Variants in ZXDC observed in about 807,000 individuals in gnomAD.
ZXDC encodes zinc finger protein ZXDC.
A neutral mutation model predicts 63.6 loss-of-function variants in ZXDC; 58 were observed. The observed-to-expected ratio is 0.91, with a 90% CI of 0.74 to 1.13. The LOEUF is 1.13. ZXDC is among the 50% of genes most tolerant of loss of function. The pLI is 0.00. For missense variants in ZXDC, 1,133 were observed against 1,148.9 expected (o/e 0.99, Z 0.20); for synonymous variants, 561 against 496.1 (o/e 1.13, Z -1.74).
At chr3:126,463,315 C>T (rs948159891) in intron 5 of ZXDC, among the ~76,000 whole-genome samples, 2 of 152,148 alleles carry the variant, frequency 1.3e-5, no homozygotes, top group East Asian at 3.9e-4. Context: ...GTGATCGGCC[C>T]GCCTGGGCCT....
intron 4 of ZXDC, among the ~76,000 whole-genome samples, chr3:126,470,483 A>G (rs1338234131): frequency 6.6e-6 from 1 of 152,214 alleles, no homozygotes; most frequent in East Asian, 1.9e-4. Context: ...ACAAAAAAAG[A>G]AAAAGTCAGT....
intron 7 of ZXDC, chr3:126,451,086 CCA>C (rs1411873771): frequency 2.1e-5 from 21 of 982,324 alleles, no homozygotes; most frequent in Non-Finnish European, 2.4e-5. Context: ...GCCCACCAGG[CCA>C]CCCCAGGAGG....
chr3:126,445,015 T>A (rs1410366312), intron 7 of ZXDC, among the ~76,000 whole-genome samples: 1 of 152,218 alleles, frequency 6.6e-6, no homozygotes, highest in African/African-American at 2.4e-5. Flanking sequence ...CTAAATTGGT[T>A]TCAACTTCTG....
chr3:126,461,930 G>A lies in ZXDC; in HGVS notation c.1732C>T (p.Leu578=), dbSNP rs371878649. The change falls in exon 6 of 10, where the codon CTG becomes TTG. Residue 578 remains leucine, a synonymous_variant. Coordinates refer to ENST00000389709, the MANE Select transcript of ZXDC (RefSeq NM_025112.5). ...LVAHSDIPPS[L]DSPLVLGTAA... ...GTCCCGAGAACCAGAGGGCTGTCCA[G>A]GCTTGGGGGAATATCACTGTGGGCC... 2 of 1,614,072 alleles carry A rather than the reference G, an allele frequency of 1.2e-6. No individual in the cohort carries two copies. The highest frequency in any genetic ancestry group is 1.7e-6 in the Non-Finnish European group (2 of 1,180,064).
In ZXDC at chr3:126,475,533, G is replaced by T; in HGVS notation, c.333C>A (p.Gly111=). The change falls in exon 1 of 10, where the codon GGC becomes GGA. Residue 111 remains glycine (G), a synonymous_variant. Transcript: ENST00000389709. The stretch of plus-strand genomic sequence containing the variant: ...CGGGGGGGGCGGCCGGGCCGCTGGG[G>T]CCCTGCTCGGGGCGGCTCGCCAGGT... The part of the protein sequence containing the change: ...RVNLASRPEQ[G]PSGPAAPPGP... 2 of 1,306,072 alleles carry T rather than the reference G, an allele frequency of 1.5e-6. No homozygotes were observed. The highest frequency in any genetic ancestry group is 9.7e-7 in the Non-Finnish European group (1 of 1,029,376). 80.9% of individuals were successfully genotyped at this position (1,306,072 alleles called of 1,614,324 possible). A position where few individuals can be genotyped will look rare whatever the true frequency, so the allele number is the denominator to read the frequency against.
At chr3:126,447,060 C>T (rs1413320470) in intron 7 of ZXDC, among the ~76,000 whole-genome samples, 2 of 152,218 alleles carry the variant, frequency 1.3e-5, no homozygotes, top group African/African-American at 4.8e-5. Context: ...TCTGCAGGGG[C>T]ACTCTCTCCT....
At chr3:126,450,595 G>A (rs1274997176) in intron 7 of ZXDC, 1 of 452,428 alleles carries the variant, frequency 2.2e-6, no homozygotes, top group Non-Finnish European at 4.5e-6. Flanking sequence ...CCTCCGGACT[G>A]ACCGCCCCTG....
chr3:126,439,668 G>T lies in ZXDC; in HGVS notation c.2454C>A (p.Pro818=). The change falls in exon 9 of 10, where the codon CCC becomes CCA. Residue 818 remains proline, a synonymous_variant. Transcript: ENST00000389709. ...AGACGGGCAGGTCCACAGTGAGGAA[G>T]GGGAGGAAGGTGGCTGGGCCGCGGG... is the stretch of plus-strand genomic sequence containing the variant. ...PSARGPATFL[P]FLTVDLPVYV... 1 of 1,553,788 alleles carries T rather than the reference G, an allele frequency of 6.4e-7. No individual in the cohort carries two copies. The highest frequency in any genetic ancestry group is 2.4e-5 in the East Asian group (1 of 41,272).
intron 4 of ZXDC, among the ~76,000 whole-genome samples, chr3:126,469,829 C>CT (rs1231423101): frequency 2.0e-5 from 3 of 152,382 alleles, no homozygotes; most frequent in Admixed American, 6.5e-5. Flanking sequence ...AGCTGAAACT[C>CT]TGACGGAAGG....
At chr3:126,439,820 C>A in intron 8 of ZXDC, 93 bp from the exon 9 acceptor site, 1 of 1,467,166 alleles carries the variant, frequency 6.8e-7, no homozygotes. Flanking sequence ...AGCTGCAATG[C>A]GTGGCAGAAC....
At position 126,458,249 on chromosome 3, in the gene ZXDC, T is replaced by G. The variant is rs1412383525; in HGVS notation, c.2212+1404A>C. Among the ~76,000 whole-genome samples the G allele has an allele frequency of 1.6e-4, 25 of 151,642 alleles. No individual in the cohort carries two copies. In the East Asian group the frequency reaches 4.8e-3, roughly 29 times the overall value. The stretch of plus-strand genomic sequence containing the variant: ...TTTAATGTCCTTACTTTTTTTTTTT[T>G]TTTTTGAAATGGAGTCTCACTCTGT... On this transcript the variant is annotated intron_variant, in intron 7 of 9. Coordinates refer to ENST00000389709, the MANE Select transcript of ZXDC (RefSeq NM_025112.5).
intron 1 of ZXDC, among the ~76,000 whole-genome samples, chr3:126,472,934 G>A (rs17742276): frequency 0.033 from 4,983 of 152,232 alleles, 91 homozygotes; most frequent in South Asian, 0.051. Flanking sequence ...CTTCTCCTCC[G>A]ACAGAAACAT....
chr3:126,461,209 A>T, intron 6 of ZXDC: 1 of 1,070,414 alleles, frequency 9.3e-7, no homozygotes, highest in Non-Finnish European at 1.1e-6. Flanking sequence ...GCTGACAAGC[A>T]TAGAGGCAAA....
chr3:126,475,709 C>A lies in ZXDC; in HGVS notation c.157G>T (p.Ala53Ser). ...GGCCCGGAGGCCTCCCCGGGCCGCG[C>A]CCCGGGCCCGCCATCTTCAGGGCCC... ...VRGPEDGGPG[A>S]RPGEASGPSP... The change falls in exon 1 of 10, where the codon GCG (alanine) becomes TCG (serine). Residue 53 changes from alanine to serine, a missense_variant. Coordinates refer to ENST00000389709, the MANE Select transcript of ZXDC (RefSeq NM_025112.5). 1 of 1,284,622 alleles carries A rather than the reference C, an allele frequency of 7.8e-7. No individual in the cohort carries two copies. Among genetic ancestry groups the A allele is most frequent in the Non-Finnish European group, 9.8e-7 (1 of 1,017,302 alleles). 79.6% of individuals were successfully genotyped at this position (1,284,622 alleles called of 1,614,324 possible).
At chr3:126,458,077 C>T (rs1413145523) in intron 7 of ZXDC, among the ~76,000 whole-genome samples, 1 of 152,150 alleles carries the variant, frequency 6.6e-6, no homozygotes. Context: ...CATATGAACC[C>T]CACTGGATTC....
chr3:126,467,720 C>A (rs181183217), intron 4 of ZXDC, among the ~76,000 whole-genome samples: 1 of 152,188 alleles, frequency 6.6e-6, no homozygotes, highest in South Asian at 2.1e-4. Context: ...GCCCTGCAAG[C>A]GCGCAGTTTC....
At chr3:126,455,722 G>A (rs1173975760) in intron 7 of ZXDC, among the ~76,000 whole-genome samples, 3 of 152,194 alleles carry the variant, frequency 2.0e-5, no homozygotes, top group Non-Finnish European at 4.4e-5. Flanking sequence ...TTGAGGCCGG[G>A]CATGGTGGCT....
At chr3:126,444,344 A>G (rs898268347) in intron 7 of ZXDC, among the ~76,000 whole-genome samples, 1 of 152,174 alleles carries the variant, frequency 6.6e-6, no homozygotes, top group Non-Finnish European at 1.5e-5. Context: ...CATCCTGGCT[A>G]ACACGGTGAA....
chr3:126,455,273 A>G (rs926263798), intron 7 of ZXDC, among the ~76,000 whole-genome samples: 6 of 152,236 alleles, frequency 3.9e-5, no homozygotes, highest in Non-Finnish European at 5.9e-5. Flanking sequence ...AAAAGTACCA[A>G]TGTAGTAACT....
Sources: gnomAD v4.1 joint callset for allele counts (sites outside exome capture counted in the v4.1 genomes callset) on GRCh38, gnomAD v4.1.1 for gene constraint, MANE v1.5 for transcripts, NCBI Gene and HGNC (gene_info 2026-07-23, HGNC 2026-07-21) for gene names.